NTM: variants seen among roughly 807,000 people sequenced by gnomAD.
The protein encoded by NTM is IgLON family member 2.
A neutral mutation model predicts 42.1 loss-of-function variants in NTM; 13 were observed. The observed-to-expected ratio is 0.31, with a 90% confidence interval of 0.20 to 0.49. NTM has a LOEUF of 0.49. NTM is among the 20% of genes least tolerant of loss of function. NTM has a pLI of 0.99. For missense variants in NTM, 373 were observed against 452.8 expected, an observed-to-expected ratio of 0.82 and a Z score of 1.60; for synonymous variants, 187 against 179.2, an observed-to-expected ratio of 1.04 and a Z score of -0.35.
At chr11:132,263,114 C>T (rs1228288969) in intron 4 of NTM, among the ~76,000 whole-genome samples, 1 of 152,214 alleles carries the variant, frequency 6.6e-6, no homozygotes, top group East Asian at 1.9e-4. Context: ...TTGTTTGATG[C>T]TCTGCCTTCC....
At chr11:132,087,787 G>T (rs532156795) in intron 2 of NTM, among the ~76,000 whole-genome samples, 11 of 152,314 alleles carry the variant, frequency 7.2e-5, no homozygotes, top group Non-Finnish European at 1.5e-4. Context: ...AGAACCTTTT[G>T]TTCCTTTGCA....
intron 1 of NTM, among the ~76,000 whole-genome samples, chr11:131,704,268 G>T (rs1474728252): frequency 2.0e-5 from 3 of 152,144 alleles, no homozygotes; most frequent in African/African-American, 7.2e-5. Flanking sequence ...CCACACCTGT[G>T]GATGCAAGCC....
intron 1 of NTM, among the ~76,000 whole-genome samples, chr11:131,589,167 A>ATGTTTG (rs1555158907): frequency 2.0e-4 from 29 of 143,602 alleles, no homozygotes; most frequent in African/African-American, 6.0e-4. Context: ...ACCTGGAAAA[A>ATGTTTG]TGTGTGTGTG....
At chr11:131,736,308 T>C (rs746226531) in intron 1 of NTM, among the ~76,000 whole-genome samples, 9 of 152,308 alleles carry the variant, frequency 5.9e-5, no homozygotes, top group Non-Finnish European at 1.0e-4. Context: ...ACAGCTCTCC[T>C]TCACACAGTC....
chr11:131,488,422 CT>C (rs372878073), intron 1 of NTM, among the ~76,000 whole-genome samples: 7 of 152,016 alleles, frequency 4.6e-5, no homozygotes, highest in African/African-American at 1.7e-4. Context: ...CTAGCCTGAA[CT>C]TTTTTTTATG....
intron 1 of NTM, among the ~76,000 whole-genome samples, chr11:131,372,490 G>A (rs778239551): frequency 6.6e-6 from 1 of 152,038 alleles, no homozygotes; most frequent in Non-Finnish European, 1.5e-5. Context: ...GCTTGTTCTG[G>A]GTGCACAAGA....
chr11:132,264,275 T>C (rs2093044199), intron 4 of NTM, among the ~76,000 whole-genome samples: 1 of 152,232 alleles, frequency 6.6e-6, no homozygotes, highest in Admixed American at 6.5e-5. Context: ...TCATATTTCA[T>C]ATATTTATTG....
At chr11:131,493,457 G>T (rs1565560678) in intron 1 of NTM, among the ~76,000 whole-genome samples, 1 of 152,160 alleles carries the variant, frequency 6.6e-6, no homozygotes, top group Admixed American at 6.5e-5. Context: ...CCAGGTTGCA[G>T]CTTCTCTGGT....
At chr11:131,822,725 T>C (rs2093242771) in intron 1 of NTM, among the ~76,000 whole-genome samples, 1 of 152,174 alleles carries the variant, frequency 6.6e-6, no homozygotes, top group African/African-American at 2.4e-5. Context: ...GTTCATTAAC[T>C]TCCCATTGCT....
chr11:132,318,441 G>C (rs1268841277), intron 7 of NTM, among the ~76,000 whole-genome samples: 3 of 152,040 alleles, frequency 2.0e-5, no homozygotes, highest in African/African-American at 7.3e-5. Context: ...GAACATCATA[G>C]GGGGTCCTTC....
At chr11:132,287,799 A>G (rs559908281) in intron 4 of NTM, among the ~76,000 whole-genome samples, 2 of 152,338 alleles carry the variant, frequency 1.3e-5, no homozygotes, top group South Asian at 4.1e-4. Flanking sequence ...CTTACATTGC[A>G]TGAGCTTACA....
intron 2 of NTM, among the ~76,000 whole-genome samples, chr11:132,049,159 A>G (rs1321928521): frequency 6.6e-6 from 1 of 152,176 alleles, no homozygotes; most frequent in Non-Finnish European, 1.5e-5. Flanking sequence ...GACAAGAAAC[A>G]AAAGAGGAAA....
At chr11:131,481,790 A>G (rs571642011) in intron 1 of NTM, among the ~76,000 whole-genome samples, 2 of 152,154 alleles carry the variant, frequency 1.3e-5, no homozygotes, top group East Asian at 3.9e-4. Flanking sequence ...ACACAGCCCC[A>G]CCTTAGGTTA....
At position 131,700,353 on chromosome 11, in the gene NTM, A is replaced by C. The variant is rs1056461618; in HGVS notation, c.83-211211A>C. Reference sequence around the variant, plus strand: ...CCTGTCATAATGTTTGCATCCTAACACTCTCTTCTCCTCATTCCACACTTT... The same window carrying C: ...CCTGTCATAATGTTTGCATCCTAACCCTCTCTTCTCCTCATTCCACACTTT... On this transcript the variant is annotated intron_variant, in intron 1 of 8. Coordinates refer to ENST00000683400, the MANE Select transcript of NTM (RefSeq NM_001352005.2). Among the ~76,000 whole-genome samples, 6 of 151,650 alleles carry C rather than the reference A, an allele frequency of 4.0e-5. No homozygotes were observed. In the South Asian group the frequency reaches 1.2e-3, roughly 32 times the overall value.
intron 1 of NTM, among the ~76,000 whole-genome samples, chr11:131,384,242 G>T (rs1943042341): frequency 6.6e-6 from 1 of 152,088 alleles, no homozygotes; most frequent in South Asian, 2.1e-4. Context: ...AGAATTGAGG[G>T]CAAACACTAG....
At chr11:131,899,028 T>C (rs1357582002) in intron 1 of NTM, among the ~76,000 whole-genome samples, 2 of 152,196 alleles carry the variant, frequency 1.3e-5, no homozygotes, top group Admixed American at 6.5e-5. Context: ...GACACGGGGA[T>C]GCATTGAGGT....
intron 1 of NTM, among the ~76,000 whole-genome samples, chr11:131,606,992 C>T (rs1010911885): frequency 1.3e-5 from 2 of 152,224 alleles, no homozygotes; most frequent in Admixed American, 1.3e-4. Flanking sequence ...GAGCCCCCAT[C>T]GTGATCATCT....
chr11:132,221,246 C>G (rs1428669546), intron 4 of NTM, among the ~76,000 whole-genome samples: 2 of 152,290 alleles, frequency 1.3e-5, no homozygotes, highest in East Asian at 1.9e-4. Context: ...CAATAGCTAA[C>G]AGTTGGTGGA....
chr11:132,141,038 T>G (rs2069004394), intron 2 of NTM: 1 of 152,256 alleles, frequency 6.6e-6, no homozygotes, highest in African/African-American at 2.4e-5. Context: ...GCACACTGTC[T>G]GCATCCATTA....
Sources: gnomAD v4.1 joint callset for allele counts (sites outside exome capture counted in the v4.1 genomes callset) on GRCh38, gnomAD v4.1.1 for gene constraint, MANE v1.5 for transcripts, NCBI Gene and HGNC (gene_info 2026-07-23, HGNC 2026-07-21) for gene names.